Variants in PCMT1 observed in about 807,000 individuals in gnomAD.
PCMT1 encodes protein-L-isoaspartate(D-aspartate) O-methyltransferase.
Under a neutral mutation model 29.2 loss-of-function variants are expected in PCMT1, and 9 were observed. That is an observed-to-expected ratio of 0.31 (90% CI 0.19 to 0.54). The LOEUF (loss-of-function observed/expected upper bound fraction) is 0.54, where lower values mean the gene tolerates loss of function less well. Ranked by LOEUF, PCMT1 falls within the 20% of genes least tolerant of loss-of-function variation. PCMT1 has a pLI of 0.95. For synonymous variants in PCMT1, 98 were observed against 97.5 expected (o/e 1.00, Z -0.03); for missense variants, 184 against 282.2 (o/e 0.65, Z 2.49).
At chr6:149,793,755 A>G (rs1788482891) in intron 5 of PCMT1, 86 bp downstream of exon 5, 1 of 1,164,406 alleles carries the variant, frequency 8.6e-7, no homozygotes, top group African/African-American at 1.6e-5. Flanking sequence ...CTCAGAGGTA[A>G]TTATTGTATT....
chr6:149,790,260 T>C (rs1199395464), intron 4 of PCMT1, among the ~76,000 whole-genome samples: 1 of 152,192 alleles, frequency 6.6e-6, no homozygotes, highest in Non-Finnish European at 1.5e-5. Context: ...AAAGGGAGTT[T>C]ATTTAGTTCA....
At chr6:149,784,960 G>C (rs1232849697) in intron 3 of PCMT1, among the ~76,000 whole-genome samples, 3 of 152,064 alleles carry the variant, frequency 2.0e-5, no homozygotes, top group Non-Finnish European at 4.4e-5. Context: ...AATTTTTATA[G>C]TTAATTCGCT....
chr6:149,786,176 CT>C (rs1788051786), intron 3 of PCMT1, among the ~76,000 whole-genome samples: 1 of 112,518 alleles, frequency 8.9e-6, no homozygotes, highest in Admixed American at 9.1e-5. Context: ...ACCCCCCAAC[CT>C]CCCTCCCAGA....
At chr6:149,772,423 T>G in intron 2 of PCMT1, 2 of 323,992 alleles carry the variant, frequency 6.2e-6, no homozygotes, top group Non-Finnish European at 6.0e-6. Flanking sequence ...GACAGAAATA[T>G]GAAGCAATTT....
chr6:149,810,550 T>G, intron 7 of PCMT1, 66 bp from the exon 8 acceptor site: 1 of 1,245,034 alleles, frequency 8.0e-7, no homozygotes, highest in Non-Finnish European at 1.1e-6. Context: ...GTGTCTAAAC[T>G]ATTATAAAGC....
chr6:149,762,550 T>TG lies in PCMT1; in HGVS notation c.56-8612_56-8611insG, dbSNP rs1786796195. Among the ~76,000 whole-genome samples, 3 of 20,866 alleles carry TG rather than the reference T, an allele frequency of 1.4e-4. 1 individual carries two copies. In the Admixed American group the frequency reaches 2.7e-3, roughly 19 times the overall value. 13.7% of individuals were successfully genotyped at this position (20,866 alleles called of 152,430 possible). On this transcript the variant is annotated intron_variant, in intron 1 of 7. Transcript: ENST00000464889. ...ATATCTATGATATATATATCTATGA[T>TG]ATATATATATCTATGATATATATAT... is the stretch of plus-strand genomic sequence containing the variant.
At chr6:149,766,999 A>T (rs1787111771) in intron 1 of PCMT1, among the ~76,000 whole-genome samples, 2 of 152,112 alleles carry the variant, frequency 1.3e-5, no homozygotes, top group Non-Finnish European at 2.9e-5. Context: ...TCACGAGGTC[A>T]GGAGTTCAAG....
At chr6:149,770,376 C>G (rs1787261316) in intron 1 of PCMT1, among the ~76,000 whole-genome samples, 1 of 152,140 alleles carries the variant, frequency 6.6e-6, no homozygotes, top group Non-Finnish European at 1.5e-5. Flanking sequence ...CCAAATATAA[C>G]TCATTATCCT....
At chr6:149,775,736 T>C (rs1249673949) in intron 3 of PCMT1, among the ~76,000 whole-genome samples, 1 of 152,114 alleles carries the variant, frequency 6.6e-6, no homozygotes, top group Non-Finnish European at 1.5e-5. Flanking sequence ...AGGGAAATAT[T>C]GTAATACATA....
chr6:149,793,055 C>T (rs1000627511), intron 4 of PCMT1, among the ~76,000 whole-genome samples: 12 of 151,576 alleles, frequency 7.9e-5, no homozygotes, highest in African/African-American at 2.9e-4. Flanking sequence ...CCCAGCTACT[C>T]AGGAGGCTGA....
chr6:149,795,527 G>T, intron 5 of PCMT1: 2 of 456,290 alleles, frequency 4.4e-6, no homozygotes, highest in East Asian at 5.6e-5. Context: ...TACAGTGTTG[G>T]GCAGGATGTT....
Position 149,749,767 on chromosome 6 carries a change from A to G in PCMT1, c.-135A>G, listed in dbSNP as rs1479535197. The stretch of plus-strand genomic sequence containing the variant: ...CAGTGGCGGCAGCGGCGGCGACGGC[A>G]GTAACAGCGGCAGCTACAGCGGGGA... On this transcript the variant is annotated 5_prime_UTR_variant, in exon 1 of 8. Coordinates refer to ENST00000464889, the MANE Select transcript of PCMT1 (RefSeq NM_001360452.2). The G allele has an allele frequency of 3.9e-6, 6 of 1,548,092 alleles. No individual in the cohort carries two copies. The highest frequency in any genetic ancestry group is 4.9e-5 in the East Asian group (2 of 40,814).
At chr6:149,793,724 T>C in intron 5 of PCMT1, 55 bp downstream of exon 5, 1 of 1,444,062 alleles carries the variant, frequency 6.9e-7, no homozygotes, top group Non-Finnish European at 9.2e-7. Flanking sequence ...TTTCAGAAGA[T>C]CCAATGCAAG....
chr6:149,779,583 G>A (rs1040195630), intron 3 of PCMT1, among the ~76,000 whole-genome samples: 7 of 152,164 alleles, frequency 4.6e-5, no homozygotes, highest in African/African-American at 1.7e-4. Flanking sequence ...GCCGAGGCAG[G>A]TGGGTCACCT....
chr6:149,795,401 G>A (rs534002042), intron 5 of PCMT1: 5 of 406,614 alleles, frequency 1.2e-5, no homozygotes, highest in African/African-American at 2.1e-5. Context: ...GATGGTGTTT[G>A]TATTTGAGAA....
In PCMT1 at chr6:149,762,510, A is replaced by C. The variant is rs114968604; in HGVS notation, c.56-8652A>C. Among the ~76,000 whole-genome samples the C allele has an allele frequency of 3.4e-4, 22 of 64,296 alleles. 2 individuals carry two copies. The highest frequency in any genetic ancestry group is 2.5e-3 in the African/African-American group (18 of 7,174). The allele number at this position is 64,296 out of a possible 152,430, so 42.2% of individuals were successfully genotyped here. ...TGCTGGTAATCTATGATATATATAT[A>C]TATCTATGATATATATATCTATGAT... On this transcript the variant is annotated intron_variant, in intron 1 of 7. Coordinates refer to ENST00000464889, the MANE Select transcript of PCMT1 (RefSeq NM_001360452.2).
intron 1 of PCMT1, among the ~76,000 whole-genome samples, chr6:149,756,353 CT>C (rs5880848): frequency 8.8e-4 from 125 of 141,580 alleles, no homozygotes; most frequent in Middle Eastern, 3.6e-3. Context: ...TATTCTTTCC[CT>C]TTTTTTTTTT....
intron 3 of PCMT1, among the ~76,000 whole-genome samples, chr6:149,780,406 G>A (rs1320616985): frequency 6.6e-6 from 1 of 151,510 alleles, no homozygotes; most frequent in African/African-American, 2.4e-5. Flanking sequence ...GTAGAATTCT[G>A]CAGTTTTTAG....
chr6:149,797,273 T>C (rs1788654995), intron 6 of PCMT1: 4 of 152,132 alleles, frequency 2.6e-5, no homozygotes, highest in Admixed American at 2.6e-4. Context: ...TAACATATAA[T>C]TAACACAGGA....
Sources: allele counts gnomAD v4.1 joint callset (sites outside exome capture counted in the v4.1 genomes callset), GRCh38; gene constraint gnomAD v4.1.1; transcripts MANE v1.5; gene names NCBI Gene and HGNC (gene_info 2026-07-23, HGNC 2026-07-21).